The following PLEKHG1 variants were observed in gnomAD, a reference collection of about 807,000 sequenced individuals.
The protein encoded by PLEKHG1 is pleckstrin homology and RhoGEF domain containing G1.
Under a neutral mutation model 100.8 loss-of-function variants are expected in PLEKHG1, and 44 were observed. The ratio of observed to expected loss-of-function variants is 0.44; its 90% CI spans 0.34 to 0.56. The LOEUF is 0.56. Among genes scored for constraint, PLEKHG1 ranks in the 20% least tolerant of loss-of-function variants. The pLI, the probability that PLEKHG1 is intolerant of heterozygous loss-of-function variation, is 0.01. For missense variants in PLEKHG1, 1,545 were observed against 1,720.9 expected (o/e 0.90, Z 1.81); for synonymous variants, 640 against 662.5 (o/e 0.97, Z 0.52).
At chr6:150,668,873 C>T (rs1562423909) in intron 3 of PLEKHG1, among the ~76,000 whole-genome samples, 5 of 152,038 alleles carry the variant, frequency 3.3e-5, no homozygotes, top group African/African-American at 1.2e-4. Flanking sequence ...TAATACAAAA[C>T]AAGATTTGTC....
intron 2 of PLEKHG1, among the ~76,000 whole-genome samples, chr6:150,737,894 C>A (rs1295438747): frequency 6.6e-6 from 1 of 152,100 alleles, no homozygotes; most frequent in Non-Finnish European, 1.5e-5. Context: ...GCCTCGACCT[C>A]CTGGGCTCAT....
chr6:150,662,895 C>G (rs1779251002), intron 3 of PLEKHG1: 1 of 152,072 alleles, frequency 6.6e-6, no homozygotes, highest in South Asian at 2.1e-4. Flanking sequence ...AATTTGAAAG[C>G]TTTTTATGTT....
chr6:150,733,676 A>G (rs1782400170), exon 2 of PLEKHG1: 3 of 1,614,044 alleles, frequency 1.9e-6, no homozygotes. Context: ...TCAAGAACTG[A>G]AGACAATGGA....
rs150640708 is a variant in PLEKHG1, at chr6:150,818,946, G to A, written c.1312+730G>A. 1.7e-3 allele frequency among the ~76,000 whole-genome samples: 258 copies of A among 152,134 alleles called. 1 individual carries two copies. Among genetic ancestry groups the A allele is most frequent in the Non-Finnish European group, 2.5e-3 (172 of 68,010 alleles). Reference sequence around the variant, plus strand: ...GCCTGGCACTTGTTAACTCCCCAGGGGGAAAAGCAGCATCAGCAAAGTGGA... The same window carrying A: ...GCCTGGCACTTGTTAACTCCCCAGGAGGAAAAGCAGCATCAGCAAAGTGGA... On this transcript the variant is annotated intron_variant, in intron 11 of 15. Transcript: ENST00000358517.
chr6:150,641,535 C>G (rs1778257039), intron 2 of PLEKHG1, among the ~76,000 whole-genome samples: 2 of 152,224 alleles, frequency 1.3e-5, no homozygotes, highest in Admixed American at 1.3e-4. Flanking sequence ...GTCTCTCTTA[C>G]TTTCCTCATG....
chr6:150,743,272 C>A (rs1216951730), intron 2 of PLEKHG1, among the ~76,000 whole-genome samples: 1 of 152,150 alleles, frequency 6.6e-6, no homozygotes, highest in African/African-American at 2.4e-5. Flanking sequence ...GTAATCCCAG[C>A]ACTTTGGGAC....
At chr6:150,722,423 G>A (rs1268055980) in intron 1 of PLEKHG1, among the ~76,000 whole-genome samples, 1 of 133,972 alleles carries the variant, frequency 7.5e-6, no homozygotes, top group Non-Finnish European at 1.5e-5. Context: ...GCACGATCTT[G>A]GCTCACTGCA....
At chr6:150,827,580 C>G in intron 14 of PLEKHG1, 1 of 677,042 alleles carries the variant, frequency 1.5e-6, no homozygotes, top group Non-Finnish European at 2.7e-6. Context: ...CTGGCCAAAA[C>G]TGCTATTTTC....
chr6:150,775,502 G>A (rs557533275), intron 3 of PLEKHG1, among the ~76,000 whole-genome samples: 1 of 152,168 alleles, frequency 6.6e-6, no homozygotes, highest in African/African-American at 2.4e-5. Context: ...TCATTACTCT[G>A]TATGAAACCC....
At chr6:150,611,737 G>C (rs149475238) in intron 1 of PLEKHG1, among the ~76,000 whole-genome samples, 3 of 151,518 alleles carry the variant, frequency 2.0e-5, no homozygotes, top group South Asian at 4.2e-4. Flanking sequence ...GCTTCAACTC[G>C]GTAGGCGGAG....
intron 2 of PLEKHG1, among the ~76,000 whole-genome samples, chr6:150,644,798 A>C (rs1365672726): frequency 1.3e-5 from 2 of 152,214 alleles, no homozygotes; most frequent in Non-Finnish European, 2.9e-5. Flanking sequence ...TGAAAGATAT[A>C]TGAGACCTTT....
chr6:150,650,479 A>G (rs191419689), intron 2 of PLEKHG1, among the ~76,000 whole-genome samples: 1 of 152,338 alleles, frequency 6.6e-6, no homozygotes, highest in Admixed American at 6.5e-5. Flanking sequence ...GGACTTCAGT[A>G]ACTTTCTAAT....
chr6:150,646,732 G>A (rs1443378692), intron 2 of PLEKHG1, among the ~76,000 whole-genome samples: 2 of 152,166 alleles, frequency 1.3e-5, no homozygotes, highest in African/African-American at 4.8e-5. Context: ...CAAGATGACA[G>A]GTAGGGGCAG....
chr6:150,616,022 A>T (rs143698607), intron 1 of PLEKHG1, among the ~76,000 whole-genome samples: 1 of 152,174 alleles, frequency 6.6e-6, no homozygotes, highest in Non-Finnish European at 1.5e-5. Context: ...GCAAAAGATG[A>T]GGTAACTTGT....
At chr6:150,676,505 G>T (rs1334154307) in intron 3 of PLEKHG1, among the ~76,000 whole-genome samples, 1 of 152,210 alleles carries the variant, frequency 6.6e-6, no homozygotes, top group Non-Finnish European at 1.5e-5. Context: ...AAACCTGACA[G>T]TATATAATAA....
At chr6:150,723,892 A>C (rs575088793) in intron 1 of PLEKHG1, among the ~76,000 whole-genome samples, 1 of 152,324 alleles carries the variant, frequency 6.6e-6, no homozygotes, top group Non-Finnish European at 1.5e-5. Flanking sequence ...CTCAGACATG[A>C]CAGGGCTGGG....
chr6:150,686,702 G>A (rs1238319106), intron 3 of PLEKHG1: 1 of 152,254 alleles, frequency 6.6e-6, no homozygotes, highest in Admixed American at 6.5e-5. Flanking sequence ...CCCGAGGGAG[G>A]TCTGATAACG....
chr6:150,762,183 C>T (rs1426345322), intron 2 of PLEKHG1, among the ~76,000 whole-genome samples: 1 of 151,296 alleles, frequency 6.6e-6, no homozygotes, highest in Non-Finnish European at 1.5e-5. Context: ...TTGTCTTCCC[C>T]TTTCTTTCTC....
intron 3 of PLEKHG1, among the ~76,000 whole-genome samples, chr6:150,771,951 T>A (rs1784734298): frequency 6.6e-6 from 1 of 152,180 alleles, no homozygotes; most frequent in African/African-American, 2.4e-5. Context: ...GTCATATTAC[T>A]CCTTTCTTTG....
Sources: gnomAD v4.1 joint callset for allele counts (sites outside exome capture counted in the v4.1 genomes callset) on GRCh38, gnomAD v4.1.1 for gene constraint, MANE v1.5 for transcripts, NCBI Gene and HGNC (gene_info 2026-07-23, HGNC 2026-07-21) for gene names.